SLC2A11: variants seen among roughly 807,000 people sequenced by gnomAD.
SLC2A11 encodes solute carrier family 2 member 11.
Under a neutral mutation model 52.1 loss-of-function variants are expected in SLC2A11, and 43 were observed. The ratio of observed to expected loss-of-function variants is 0.82; its 90% CI spans 0.65 to 1.06. The LOEUF is 1.06. Among genes scored for constraint, SLC2A11 ranks in the 50% least tolerant of loss-of-function variants. SLC2A11 has a pLI of 0.00. For missense variants in SLC2A11, 582 were observed against 654.2 expected (o/e 0.89, Z 1.20); for synonymous variants, 261 against 277.6 (o/e 0.94, Z 0.59).
At chr22:23,877,910 A>G (rs1164719562) in intron 6 of SLC2A11, 41 bp downstream of exon 6, 2 of 1,578,914 alleles carry the variant, frequency 1.3e-6, no homozygotes, top group Non-Finnish European at 1.7e-6. Flanking sequence ...CCCTTGACCA[A>G]GGGATGCATC....
At chr22:23,861,803 C>T (rs2032077803) in intron 1 of SLC2A11, among the ~76,000 whole-genome samples, 1 of 152,216 alleles carries the variant, frequency 6.6e-6, no homozygotes, top group Non-Finnish European at 1.5e-5. Flanking sequence ...AGCAGACGTG[C>T]TCAGGGGCAG....
In SLC2A11 at chr22:23,869,537, C is replaced by G. The variant is rs377594684; in HGVS notation, c.290+896C>G. 3.2e-4 allele frequency: 51 copies of G among 160,132 alleles called. No individual in the cohort carries two copies. The South Asian group carries it at 3.8e-3, about 12-fold the overall frequency. 9.9% of individuals were successfully genotyped at this position (160,132 alleles called of 1,614,324 possible). ...TGGTGGTGCATGCCTGTAGACTCAG[C>G]TACTCGGGAGGTTGCGGCAGGAAGA... On this transcript the variant is annotated intron_variant, in intron 3 of 11. Coordinates refer to ENST00000316185, the MANE Select transcript of SLC2A11 (RefSeq NM_001024939.4).
chr22:23,885,331 G>A lies in SLC2A11; in HGVS notation c.*482G>A, dbSNP rs1367555050. On this transcript the variant is annotated 3_prime_UTR_variant, in exon 12 of 12. Transcript: ENST00000316185. ...AATCACACCACTGCATGCCAGACTGGGTGACAGAGGGAGACTTCATCTCTT... is the reference window on the plus strand; with the variant it reads ...AATCACACCACTGCATGCCAGACTGAGTGACAGAGGGAGACTTCATCTCTT... The A allele has an allele frequency of 1.7e-5, 3 of 181,098 alleles. No homozygotes were observed. Among genetic ancestry groups the A allele is most frequent in the Non-Finnish European group, 3.4e-5 (3 of 88,026 alleles). The allele number at this position is 181,098 out of a possible 1,614,324, so 11.2% of individuals were successfully genotyped here. A position where few individuals can be genotyped will look rare whatever the true frequency, so the allele number is the denominator to read the frequency against.
At chr22:23,869,823 T>G in intron 3 of SLC2A11, 1 of 583,822 alleles carries the variant, frequency 1.7e-6, no homozygotes, top group Non-Finnish European at 3.0e-6. Context: ...CTCTTTCTGC[T>G]TCCAAGATGG....
intron 2 of SLC2A11, chr22:23,866,329 G>A (rs890904062): frequency 6.3e-6 from 1 of 157,534 alleles, no homozygotes; most frequent in South Asian, 2.1e-4. Context: ...GCAGCTGGTG[G>A]GCACTAGGCT....
intron 8 of SLC2A11, 119 bp downstream of exon 8, chr22:23,882,988 C>T (rs1421966776): frequency 1.6e-5 from 16 of 972,840 alleles, no homozygotes; most frequent in South Asian, 2.8e-5. Context: ...GGGCCAGGTG[C>T]GGTGGCTCAT....
rs1022024065 is a variant in SLC2A11, at chr22:23,883,051, G to A, written c.993+182G>A. ...CGAGGTGGGTGGATCACAAGGTCAG[G>A]AGTTCGAGACCAGCCTGGCCAACAC... On this transcript the variant is annotated intron_variant, in intron 8 of 11. Transcript: ENST00000316185. 2.6e-5 allele frequency: 18 copies of A among 690,242 alleles called. No homozygotes were observed. In the Admixed American group the frequency reaches 3.5e-4, roughly 13 times the overall value. The allele number at this position is 690,242 out of a possible 1,614,324, so 42.8% of individuals were successfully genotyped here.
chr22:23,867,084 C>T (rs1200161540), intron 2 of SLC2A11: 1 of 152,356 alleles, frequency 6.6e-6, no homozygotes, highest in African/African-American at 2.4e-5. Flanking sequence ...AGGTGGCTCC[C>T]TGGGGCAAAA....
intron 3 of SLC2A11, chr22:23,873,298 GAC>G (rs907495619): frequency 5.7e-5 from 8 of 140,304 alleles, no homozygotes; most frequent in South Asian, 2.2e-4. Flanking sequence ...ACTGATTACA[GAC>G]ACGTGTGTGT....
intron 3 of SLC2A11, chr22:23,873,320 T>C (rs1301081448): frequency 1.4e-5 from 2 of 147,866 alleles, no homozygotes; most frequent in Non-Finnish European, 3.0e-5. Context: ...TGTGTGTGTG[T>C]GTGTGTGTGC....
chr22:23,884,462 T>C lies in SLC2A11; in HGVS notation c.1299+33T>C. On this transcript the variant is annotated intron_variant, in intron 11 of 11. Transcript: ENST00000316185. The surrounding 1 kb of genome is among the most constrained non-coding windows in gnomAD (Gnocchi z 4.3). ...CGCCCCTCCCGCTGGGGGCCCTGCC[T>C]TAGGCTGTGTCCCTGTCATCCTGAG... is the stretch of plus-strand genomic sequence containing the variant. 6.2e-7 allele frequency: 1 copy of C among 1,602,372 alleles called. No homozygotes were observed. The highest frequency in any genetic ancestry group is 8.5e-7 in the Non-Finnish European group (1 of 1,173,334).
At position 23,877,716 on chromosome 22, in the gene SLC2A11, C is replaced by CT. The variant is rs1568993868; in HGVS notation, c.546-3dup. The CT allele has an allele frequency of 6.3e-7, 1 of 1,580,902 alleles. No homozygotes were observed. The highest frequency in any genetic ancestry group is 1.3e-5 in the African/African-American group (1 of 74,192). On this transcript the variant is annotated splice_region_variant and splice_polypyrimidine_tract_variant and intron_variant, in intron 5 of 11. Coordinates refer to ENST00000316185, the MANE Select transcript of SLC2A11 (RefSeq NM_001024939.4). ...TCTGGCCTGGCCTCTCCTCTGCCTC[C>CT]TTAGGGAGCTCCTAGGTGGCCCTCA...
intron 4 of SLC2A11, among the ~76,000 whole-genome samples, chr22:23,876,593 G>T (rs1378414024): frequency 6.6e-6 from 1 of 152,150 alleles, no homozygotes; most frequent in Non-Finnish European, 1.5e-5. Context: ...GGTCTTCCCT[G>T]GGGGAGCCAG....
chr22:23,877,822 C>G lies in SLC2A11; in HGVS notation c.647C>G (p.Pro216Arg). The G allele has an allele frequency of 6.2e-7, 1 of 1,613,462 alleles. No individual in the cohort carries two copies. Among genetic ancestry groups the G allele is most frequent in the Non-Finnish European group, 8.5e-7 (1 of 1,179,742 alleles). The change falls in exon 6 of 12, where the codon CCG (proline) becomes CGG (arginine). Residue 216 changes from proline (P) to arginine (R), a missense_variant. Pro to Arg is a moderately radical substitution (Grantham distance 103). Coordinates refer to ENST00000316185, the MANE Select transcript of SLC2A11 (RefSeq NM_001024939.4). ...TCCCTGCCTCTGCTCCCTGAAAGCCCGCGCTACCTCCTCATTGACTGTGGA... is the reference window on the plus strand; with the variant it reads ...TCCCTGCCTCTGCTCCCTGAAAGCCGGCGCTACCTCCTCATTGACTGTGGA... ...LASLPLLPESPRYLLIDCGDT... is the reference protein window; with the variant it reads ...LASLPLLPESRRYLLIDCGDT...
In SLC2A11 at chr22:23,883,989, T is replaced by C; in HGVS notation, c.1136T>C (p.Ile379Thr). The change falls in exon 10 of 12, where the codon ATC becomes ACC. Residue 379 changes from isoleucine (I) to threonine (T), a missense_variant. Transcript: ENST00000316185. ...ACACTCTACCTGGCCATGGCCTGCA[T>C]CTTTGCCTTCATCCTCAGCTTTGGC... ...PWTLYLAMAC[I>T]FAFILSFGIG... 6.2e-7 allele frequency: 1 copy of C among 1,613,428 alleles called. No homozygotes were observed. Among genetic ancestry groups the C allele is most frequent in the Non-Finnish European group, 8.5e-7 (1 of 1,179,812 alleles).
chr22:23,877,071 C>T lies in SLC2A11; in HGVS notation c.445C>T (p.Leu149=), dbSNP rs746953754. The change falls in exon 5 of 12, where the codon CTG becomes TTG. Residue 149 remains leucine, a synonymous_variant. Transcript: ENST00000316185. ...GVSMNIQPMY[L]GESAPKELRG... ...GAGCATGAACATCCAGCCCATGTAC[C>T]TGGGGGAGAGCGCCCCTAAGGAGCT... 1 of 1,613,992 alleles carries T rather than the reference C, an allele frequency of 6.2e-7. No individual in the cohort carries two copies. Among genetic ancestry groups the T allele is most frequent in the African/African-American group, 1.3e-5 (1 of 75,002 alleles).
At chr22:23,857,379 G>C, upstream of SLC2A11, 1 of 1,490,874 alleles carries the variant, frequency 6.7e-7, no homozygotes, top group Non-Finnish European at 9.2e-7. Flanking sequence ...GCAGGGGCTT[G>C]GCCGAGATGA....
rs1351189658 is a variant in SLC2A11 at position 23,885,194 on chromosome 22, A to C, written c.*345A>C. On this transcript the variant is annotated 3_prime_UTR_variant, in exon 12 of 12. Transcript: ENST00000316185. ...TAGTGAGACCCCCTATCTCTACAAA[A>C]AATTTTAAACATTAGCTGGGCATGG... The C allele has an allele frequency of 2.3e-6, 1 of 432,730 alleles. No homozygotes were observed. Among genetic ancestry groups the C allele is most frequent in the Non-Finnish European group, 4.1e-6 (1 of 246,724 alleles). 26.8% of individuals were successfully genotyped at this position (432,730 alleles called of 1,614,324 possible). A position where few individuals can be genotyped will look rare whatever the true frequency, so the allele number is the denominator to read the frequency against.
chr22:23,868,788 C>A, intron 3 of SLC2A11, 147 bp downstream of exon 3: 2 of 936,296 alleles, frequency 2.1e-6, no homozygotes. Context: ...CCTGGAGTTT[C>A]ACCTTGCAAG....
Sources: gnomAD v4.1 joint callset for allele counts (sites outside exome capture counted in the v4.1 genomes callset) on GRCh38, gnomAD v4.1.1 for gene constraint, Gnocchi (gnomAD v3.1) non-coding constraint, MANE v1.5 for transcripts, NCBI Gene and HGNC (gene_info 2026-07-23, HGNC 2026-07-21) for gene names.